SORL1: variants seen among roughly 807,000 people sequenced by gnomAD.
SORL1 encodes sortilin related receptor 1.
In SORL1, 127 loss-of-function variants were observed where a neutral mutation model predicts 273.7. The observed-to-expected ratio is 0.46, with a 90% CI of 0.40 to 0.54. The LOEUF is 0.54. SORL1 is among the 20% of genes least tolerant of loss of function. The probability of loss-of-function intolerance (pLI) is 0.00; values close to 1 mark genes in which losing one functional copy is unlikely to be tolerated. For synonymous variants in SORL1, 1,031 were observed against 1,067.4 expected, an observed-to-expected ratio of 0.97 and a Z score of 0.66; for missense variants, 2,494 against 2,846.1, an observed-to-expected ratio of 0.88 and a Z score of 2.81.
intron 2 of SORL1, 108 bp downstream of exon 2, chr11:121,470,231 A>G (rs1861148022): frequency 1.3e-6 from 1 of 772,038 alleles, no homozygotes; most frequent in African/African-American, 1.7e-5. Flanking sequence ...GGAACATGGA[A>G]TGGATGAATT....
chr11:121,452,564 G>A lies in SORL1; in HGVS notation c.233G>A (p.Arg78Gln), dbSNP rs1335878223. Reference sequence around the variant, plus strand: ...AGCCGCGCGGACGAGAAGCCGCTCCGGAGGAAACGGAGCGCTGCCCTGCAG... The same window carrying A: ...AGCCGCGCGGACGAGAAGCCGCTCCAGAGGAAACGGAGCGCTGCCCTGCAG... Reference protein sequence around the residue: ...GASRADEKPLRRKRSAALQPE... With the variant: ...GASRADEKPLQRKRSAALQPE... The change falls in exon 1 of 48, where the codon CGG (arginine) becomes CAG (glutamine). Residue 78 changes from arginine (R) to glutamine (Q), a missense_variant. This residue lies in a region of SORL1 where 175 missense variants were observed against 147.1 expected (regional missense o/e 1.19). Coordinates refer to ENST00000260197, the MANE Select transcript of SORL1 (RefSeq NM_003105.6). The surrounding 1 kb of genome is among the most constrained non-coding windows in gnomAD (Gnocchi z 5.3). 4.6e-6 allele frequency: 7 copies of A among 1,515,858 alleles called. No homozygotes were observed. Among genetic ancestry groups the A allele is most frequent in the Non-Finnish European group, 5.3e-6 (6 of 1,139,448 alleles). The allele number at this position is 1,515,858 out of a possible 1,614,324, so 93.9% of individuals were successfully genotyped here. A position where few individuals can be genotyped will look rare whatever the true frequency, so the allele number is the denominator to read the frequency against.
intron 3 of SORL1, among the ~76,000 whole-genome samples, chr11:121,478,732 CTGTGTG>C (rs111625058): frequency 1.9e-3 from 289 of 148,480 alleles, no homozygotes; most frequent in African/African-American, 6.8e-3. Context: ...ATGTGGGTAA[CTGTGTG>C]TGTGCTTGTG....
intron 6 of SORL1, among the ~76,000 whole-genome samples, chr11:121,505,091 T>C (rs541233668): frequency 1.4e-4 from 21 of 152,190 alleles, no homozygotes; most frequent in Non-Finnish European, 1.9e-4. Context: ...CTTTAATTTG[T>C]TTGGCAGAAT....
chr11:121,565,066 G>A (rs1334496532), intron 21 of SORL1, among the ~76,000 whole-genome samples: 1 of 152,162 alleles, frequency 6.6e-6, no homozygotes, highest in Non-Finnish European at 1.5e-5. Context: ...TGAACTAAAG[G>A]AGCCATCTGT....
chr11:121,465,792 G>A (rs1417981200), intron 1 of SORL1, among the ~76,000 whole-genome samples: 2 of 152,204 alleles, frequency 1.3e-5, no homozygotes, highest in East Asian at 3.8e-4. Flanking sequence ...CTCCCAAAGT[G>A]CTGGGATTAC....
In SORL1 at chr11:121,555,742, T is replaced by TATC. The variant is rs373632261; in HGVS notation, c.2571+442_2571+444dup. On this transcript the variant is annotated intron_variant, in intron 18 of 47. Transcript: ENST00000260197. ...TATTCGATTAGAGTGATAGCAACAATATCATCATCATCATCATCATTGCCA... is the reference window on the plus strand; with the variant it reads ...TATTCGATTAGAGTGATAGCAACAATATCATCATCATCATCATCATCATTGCCA... 6.6e-3 allele frequency among the ~76,000 whole-genome samples: 1,006 copies of TATC among 151,962 alleles called. 9 individuals carry two copies. The highest frequency in any genetic ancestry group is 0.023 in the African/African-American group (942 of 41,472).
chr11:121,524,616 A>T (rs1862091989), intron 11 of SORL1, among the ~76,000 whole-genome samples: 1 of 152,214 alleles, frequency 6.6e-6, no homozygotes, highest in South Asian at 2.1e-4. Flanking sequence ...AGTGGACAGA[A>T]TGTTGCCTGG....
chr11:121,626,300 G>A (rs1364265659), intron 46 of SORL1: 1 of 152,196 alleles, frequency 6.6e-6, no homozygotes, highest in African/African-American at 2.4e-5. Flanking sequence ...CTTCCCCTTG[G>A]AAGTGGGGTG....
At chr11:121,588,453 T>C (rs899147289) in intron 28 of SORL1, among the ~76,000 whole-genome samples, 1 of 152,156 alleles carries the variant, frequency 6.6e-6, no homozygotes, top group Admixed American at 6.5e-5. Flanking sequence ...TCGCTGAAAG[T>C]GAGAGGCCTT....
At chr11:121,551,125 G>A (rs1004276090) in intron 16 of SORL1, among the ~76,000 whole-genome samples, 1 of 152,158 alleles carries the variant, frequency 6.6e-6, no homozygotes, top group Non-Finnish European at 1.5e-5. Flanking sequence ...TACTTTTTAT[G>A]TGTTGCCAGT....
intron 9 of SORL1, among the ~76,000 whole-genome samples, chr11:121,521,994 G>A (rs1293414156): frequency 6.6e-6 from 1 of 152,204 alleles, no homozygotes; most frequent in Non-Finnish European, 1.5e-5. Flanking sequence ...GAGTGATGGA[G>A]GCCAGACTGA....
chr11:121,471,147 G>T (rs1017536722), intron 2 of SORL1, among the ~76,000 whole-genome samples: 5 of 152,190 alleles, frequency 3.3e-5, no homozygotes, highest in Non-Finnish European at 5.9e-5. Flanking sequence ...ATGGATACTT[G>T]GTTCCTGTGT....
chr11:121,503,125 C>T (rs903208178), intron 6 of SORL1, among the ~76,000 whole-genome samples: 14 of 152,152 alleles, frequency 9.2e-5, no homozygotes, highest in Non-Finnish European at 2.1e-4. Flanking sequence ...CCACCTTGGC[C>T]TCCCAAAGTG....
intron 46 of SORL1, among the ~76,000 whole-genome samples, chr11:121,625,931 A>C (rs1479354760): frequency 1.3e-5 from 2 of 152,178 alleles, no homozygotes; most frequent in Non-Finnish European, 2.9e-5. Context: ...ACCAGTGCTC[A>C]AGCCAAAATC....
At chr11:121,607,561 C>G (rs1307832369) in intron 37 of SORL1, among the ~76,000 whole-genome samples, 1 of 152,222 alleles carries the variant, frequency 6.6e-6, no homozygotes, top group Non-Finnish European at 1.5e-5. Flanking sequence ...ATTCTGCTAG[C>G]TTTCCAGCTC....
rs1263741075 is a variant in SORL1 at position 121,511,277 on chromosome 11, G to A, written c.940-1726G>A. ...TTCTTAATACTCAGGCCTCCCAGCA[G>A]CAATCGTTAAGTATTTTTAACTAAT... On this transcript the variant is annotated intron_variant, in intron 6 of 47. Transcript: ENST00000260197. Among the ~76,000 whole-genome samples the A allele has an allele frequency of 3.3e-5, 5 of 152,150 alleles. No homozygotes were observed. In the East Asian group the frequency reaches 9.7e-4, roughly 29 times the overall value.
At position 121,614,956 on chromosome 11, in the gene SORL1, T is replaced by C. The variant is rs753911350; in HGVS notation, c.5505T>C (p.His1835=). The change falls in exon 41 of 48, where the codon CAT becomes CAC. Residue 1835 remains histidine (H), a synonymous_variant. Coordinates refer to ENST00000260197, the MANE Select transcript of SORL1 (RefSeq NM_003105.6). ...DLGDSPLAFE[H]VMTRGVRPPA... Reference sequence around the variant, plus strand: ...GGGATAGCCCTCTGGCATTTGAGCATGTTATGACCAGAGGGGTTCGCCCAC... The same window carrying C: ...GGGATAGCCCTCTGGCATTTGAGCACGTTATGACCAGAGGGGTTCGCCCAC... The C allele has an allele frequency of 2.2e-5, 36 of 1,613,634 alleles. No individual in the cohort carries two copies. The highest frequency in any genetic ancestry group is 8.9e-5 in the East Asian group (4 of 44,880).
chr11:121,616,664 G>T (rs1246821168), intron 41 of SORL1, among the ~76,000 whole-genome samples: 1 of 152,216 alleles, frequency 6.6e-6, no homozygotes, highest in Non-Finnish European at 1.5e-5. Flanking sequence ...CCTCCCAGGC[G>T]ATCACCCCCT....
chr11:121,514,756 G>C, intron 8 of SORL1, among the ~76,000 whole-genome samples: 1 of 152,170 alleles, frequency 6.6e-6, no homozygotes, highest in East Asian at 1.9e-4. Context: ...GAGATAATCG[G>C]ACGGTGTTTT....
Sources: gnomAD v4.1 joint callset for allele counts (sites outside exome capture counted in the v4.1 genomes callset) on GRCh38, gnomAD v4.1.1 for gene constraint, gnomAD v4.1.1 regional missense constraint, Gnocchi (gnomAD v3.1) non-coding constraint, MANE v1.5 for transcripts, NCBI Gene and HGNC (gene_info 2026-07-23, HGNC 2026-07-21) for gene names.